The following SGF29 variants were observed in gnomAD, a reference collection of about 807,000 sequenced individuals.
SGF29 encodes SAGA complex associated factor 29.
SGF29 carries 15 observed loss-of-function variants against 38.1 expected under a neutral mutation model. The ratio of observed to expected loss-of-function variants is 0.39; its 90% CI spans 0.26 to 0.61. The LOEUF is 0.61. SGF29 is among the 20% of genes least tolerant of loss of function. SGF29 has a pLI of 0.49. For synonymous variants in SGF29, 151 were observed against 160.8 expected, an observed-to-expected ratio of 0.94 and a Z score of 0.46; for missense variants, 184 against 394.6, an observed-to-expected ratio of 0.47 and a Z score of 4.52.
At chr16:28,555,335 G>A (rs2046743290) in intron 1 of SGF29, among the ~76,000 whole-genome samples, 1 of 152,194 alleles carries the variant, frequency 6.6e-6, no homozygotes, top group Middle Eastern at 3.4e-3. Context: ...AATTAGCCGG[G>A]CGTGGTGGTG....
At position 28,590,761 on chromosome 16, in the gene SGF29, C is replaced by T; in HGVS notation, c.603-12C>T. The T allele has an allele frequency of 2.5e-6, 4 of 1,614,050 alleles. No homozygotes were observed. The highest frequency in any genetic ancestry group is 3.4e-6 in the Non-Finnish European group (4 of 1,179,962). On this transcript the variant is annotated splice_polypyrimidine_tract_variant and intron_variant, in intron 8 of 9. Transcript: ENST00000317058. This position sits in a 1 kb window ranked among gnomAD's most constrained non-coding sequence, Gnocchi z 8.2. ...CCCGGCCACAGGTTGATATAAGCCC[C>T]TCTTCCCCCAGGAGACACACCCTGA...
At chr16:28,557,081 T>G (rs1479794975) in intron 1 of SGF29, among the ~76,000 whole-genome samples, 1 of 152,164 alleles carries the variant, frequency 6.6e-6, no homozygotes, top group Non-Finnish European at 1.5e-5. Context: ...TAGAGTGGCT[T>G]AAGTGTAGGA....
intron 1 of SGF29, among the ~76,000 whole-genome samples, chr16:28,569,910 G>T (rs2046854939): frequency 6.6e-6 from 1 of 152,196 alleles, no homozygotes; most frequent in Admixed American, 6.5e-5. Flanking sequence ...TAGTTTGGCA[G>T]CATCCACATG....
chr16:28,558,358 C>T (rs1481572007), intron 1 of SGF29, among the ~76,000 whole-genome samples: 1 of 151,894 alleles, frequency 6.6e-6, no homozygotes, highest in Non-Finnish European at 1.5e-5. Context: ...TCATGATCCA[C>T]CCGCCTTGGC....
intron 5 of SGF29, 94 bp downstream of exon 5, chr16:28,589,258 A>G: frequency 7.8e-7 from 1 of 1,275,288 alleles, no homozygotes; most frequent in Non-Finnish European, 1.1e-6. Flanking sequence ...GCCTGTGGCC[A>G]CCACCTGCTG....
At chr16:28,554,932 T>G (rs2046739110) in intron 1 of SGF29, among the ~76,000 whole-genome samples, 1 of 152,234 alleles carries the variant, frequency 6.6e-6, no homozygotes, top group Non-Finnish European at 1.5e-5. Context: ...TGCTGAACGT[T>G]CTCTTCCTTT....
chr16:28,556,201 G>A (rs575385931), intron 1 of SGF29, among the ~76,000 whole-genome samples: 4 of 152,134 alleles, frequency 2.6e-5, no homozygotes, highest in Non-Finnish European at 5.9e-5. Flanking sequence ...ATGGAGTCTC[G>A]CTCTGTCACC....
chr16:28,568,313 C>CAAA (rs148414167), intron 1 of SGF29, among the ~76,000 whole-genome samples: 548 of 53,798 alleles, frequency 0.01, 20 homozygotes, highest in Non-Finnish European at 0.015. Flanking sequence ...AACTCCATCT[C>CAAA]AAAAAAAAAA....
At chr16:28,585,993 G>C (rs2046954237) in intron 4 of SGF29, among the ~76,000 whole-genome samples, 1 of 152,160 alleles carries the variant, frequency 6.6e-6, no homozygotes, top group Non-Finnish European at 1.5e-5. Flanking sequence ...TTAAAATAGG[G>C]ATATCAGGGG....
chr16:28,564,784 TATACACACAC>T (rs1476056690), intron 1 of SGF29, among the ~76,000 whole-genome samples: 4 of 118,124 alleles, frequency 3.4e-5, no homozygotes, highest in African/African-American at 1.3e-4. Flanking sequence ...TATATATATA[TATACACACAC>T]ACACACACAC....
At chr16:28,585,256 T>G (rs1400260470) in intron 3 of SGF29, 1 of 510,080 alleles carries the variant, frequency 2.0e-6, no homozygotes, top group Non-Finnish European at 3.5e-6. Flanking sequence ...TTAGCTGGTG[T>G]TTTCTAGAAA....
At chr16:28,571,244 G>A (rs568822087) in intron 1 of SGF29, among the ~76,000 whole-genome samples, 51 of 152,202 alleles carry the variant, frequency 3.4e-4, no homozygotes, top group South Asian at 6.2e-4. Context: ...GAGCGATGCC[G>A]AATCTACTGG....
chr16:28,554,208 G>A (rs1037954936), intron 1 of SGF29, 111 bp downstream of exon 1: 1 of 151,892 alleles, frequency 6.6e-6, no homozygotes, highest in East Asian at 1.9e-4. Context: ...CGCTCTAGGG[G>A]CGGTGCGCAC....
chr16:28,588,568 T>C, intron 4 of SGF29: 2 of 431,422 alleles, frequency 4.6e-6, no homozygotes, highest in South Asian at 3.3e-5. Flanking sequence ...ATTTCCAGTT[T>C]TCTTTTTTTT....
chr16:28,576,948 C>T (rs2151648923), intron 1 of SGF29, among the ~76,000 whole-genome samples: 1 of 152,170 alleles, frequency 6.6e-6, no homozygotes, highest in South Asian at 2.1e-4. Flanking sequence ...CGAGGTCAGG[C>T]GTATCACCCA....
At chr16:28,576,171 A>G (rs566288326) in intron 1 of SGF29, among the ~76,000 whole-genome samples, 1 of 151,962 alleles carries the variant, frequency 6.6e-6, no homozygotes, top group African/African-American at 2.4e-5. Context: ...GTTAAAAAAA[A>G]CACATTATTA....
At chr16:28,559,654 G>A (rs1310890145) in intron 1 of SGF29, among the ~76,000 whole-genome samples, 4 of 152,084 alleles carry the variant, frequency 2.6e-5, no homozygotes, top group Non-Finnish European at 5.9e-5. Flanking sequence ...GGGATTACAG[G>A]TGTGAGCCAC....
intron 1 of SGF29, among the ~76,000 whole-genome samples, chr16:28,576,909 C>G (rs1295023425): frequency 6.6e-6 from 1 of 152,032 alleles, no homozygotes; most frequent in Non-Finnish European, 1.5e-5. Flanking sequence ...AATCCCAGCA[C>G]TTTGGGAGGC....
chr16:28,555,179 A>T (rs1379777509), intron 1 of SGF29, among the ~76,000 whole-genome samples: 1 of 152,142 alleles, frequency 6.6e-6, no homozygotes, highest in Non-Finnish European at 1.5e-5. Flanking sequence ...AAATGTAAAT[A>T]CTGGCCAGGC....
Sources: allele counts gnomAD v4.1 joint callset (sites outside exome capture counted in the v4.1 genomes callset), GRCh38; gene constraint gnomAD v4.1.1; non-coding constraint Gnocchi (gnomAD v3.1); transcripts MANE v1.5; gene names NCBI Gene and HGNC (gene_info 2026-07-23, HGNC 2026-07-21).